HACD2: variants seen among roughly 807,000 people sequenced by gnomAD.
HACD2 encodes 3-hydroxyacyl-CoA dehydratase 2.
HACD2 carries 15 observed loss-of-function variants against 31.0 expected under a neutral mutation model. That is an observed-to-expected ratio of 0.48 (90% CI 0.32 to 0.75). HACD2 has a LOEUF of 0.75. Among genes scored for constraint, HACD2 ranks in the 30% least tolerant of loss-of-function variants. The probability of loss-of-function intolerance (pLI) is 0.03; values close to 1 mark genes in which losing one functional copy is unlikely to be tolerated. For synonymous variants in HACD2, 115 were observed against 122.2 expected, an observed-to-expected ratio of 0.94 and a Z score of 0.39; for missense variants, 283 against 313.0, an observed-to-expected ratio of 0.90 and a Z score of 0.72.
intron 3 of HACD2, among the ~76,000 whole-genome samples, chr3:123,561,201 C>T (rs1292602731): frequency 6.6e-6 from 1 of 152,140 alleles, no homozygotes; most frequent in East Asian, 1.9e-4. Flanking sequence ...GCTCTGCTTC[C>T]TACCTGGCAA....
At chr3:123,528,615 A>T in intron 3 of HACD2, 141 bp from the exon 4 acceptor site, 1 of 599,448 alleles carries the variant, frequency 1.7e-6, no homozygotes, top group Non-Finnish European at 3.0e-6. Flanking sequence ...TGTTACACAG[A>T]CTAAGTTTTC....
At chr3:123,553,784 T>C (rs943774764) in intron 3 of HACD2, among the ~76,000 whole-genome samples, 3 of 152,024 alleles carry the variant, frequency 2.0e-5, no homozygotes, top group Non-Finnish European at 4.4e-5. Flanking sequence ...CTATTGTTTT[T>C]CCCATGAGTA....
chr3:123,547,580 C>A (rs1037745857), intron 3 of HACD2, among the ~76,000 whole-genome samples: 3 of 152,114 alleles, frequency 2.0e-5, no homozygotes, highest in Non-Finnish European at 4.4e-5. Context: ...CAACAAGAAG[C>A]TAAGAGCCCT....
chr3:123,530,006 T>C (rs1027575596), intron 3 of HACD2, among the ~76,000 whole-genome samples: 4 of 152,180 alleles, frequency 2.6e-5, no homozygotes, highest in African/African-American at 9.7e-5. Flanking sequence ...GTTTAATATT[T>C]AGGAAAATGG....
chr3:123,523,346 G>C (rs1451349397), intron 4 of HACD2, among the ~76,000 whole-genome samples: 1 of 152,154 alleles, frequency 6.6e-6, no homozygotes, highest in African/African-American at 2.4e-5. Flanking sequence ...CTTTGTAAGG[G>C]TTTCAGAAGC....
chr3:123,499,756 T>C (rs1559896673), intron 6 of HACD2: 5 of 389,472 alleles, frequency 1.3e-5, no homozygotes, highest in African/African-American at 4.2e-5. Flanking sequence ...TCGTTGGTTA[T>C]AAGAAGATCT....
At position 123,567,784 on chromosome 3, in the gene HACD2, G is replaced by A. The variant is rs1439491467; in HGVS notation, c.274-4C>T. The stretch of plus-strand genomic sequence containing the variant: ...TACCTATAGCACAATGTAAAATCTA[G>A]AGGAAAAAAGGGGAAAAAAGAGGAG... On this transcript the variant is annotated splice_polypyrimidine_tract_variant and splice_region_variant and intron_variant, in intron 2 of 6. Transcript: ENST00000383657. 6.7e-7 allele frequency: 1 copy of A among 1,497,094 alleles called. No individual in the cohort carries two copies. Among genetic ancestry groups the A allele is most frequent in the East Asian group, 2.4e-5 (1 of 41,104 alleles). The allele number at this position is 1,497,094 out of a possible 1,614,324, so 92.7% of individuals were successfully genotyped here. A position where few individuals can be genotyped will look rare whatever the true frequency, so the allele number is the denominator to read the frequency against.
intron 1 of HACD2, among the ~76,000 whole-genome samples, chr3:123,584,199 C>G (rs994260440): frequency 1.3e-5 from 2 of 152,134 alleles, no homozygotes; most frequent in Admixed American, 6.5e-5. Flanking sequence ...ACTAAAAACC[C>G]GCCGGGATAA....
chr3:123,547,233 T>A (rs1471818), intron 3 of HACD2, among the ~76,000 whole-genome samples: 2 of 151,960 alleles, frequency 1.3e-5, no homozygotes, highest in Admixed American at 6.6e-5. Context: ...CCACACAGAT[T>A]ATTTTAAGGA....
At position 123,493,779 on chromosome 3, in the gene HACD2, C is replaced by G. The variant is rs1353896193; in HGVS notation, c.*1109G>C. 1 of 152,188 alleles carries G rather than the reference C, an allele frequency of 6.6e-6. No homozygotes were observed. Among genetic ancestry groups the G allele is most frequent in the African/African-American group, 2.4e-5 (1 of 41,432 alleles). 9.4% of individuals were successfully genotyped at this position (152,188 alleles called of 1,614,324 possible). ...CATGCGGAGATGACACTGCTTTTAG[C>G]TCATGACAGCCCAAGGGGAATGTTT... On this transcript the variant is annotated 3_prime_UTR_variant, in exon 7 of 7. Transcript: ENST00000383657.
chr3:123,584,843 G>GCTCCCCGC, intron 1 of HACD2, 30 bp downstream of exon 1: 1 of 1,459,954 alleles, frequency 6.8e-7, no homozygotes, highest in Non-Finnish European at 9.1e-7. Flanking sequence ...GGCCGCGCTG[G>GCTCCCCGC]CTCCCCGCCT....
chr3:123,576,014 T>G (rs2056904076), intron 2 of HACD2, among the ~76,000 whole-genome samples: 1 of 152,212 alleles, frequency 6.6e-6, no homozygotes, highest in Admixed American at 6.5e-5. Flanking sequence ...TTATACAACC[T>G]CATCAGGTTT....
chr3:123,497,757 C>T (rs2055851732), intron 6 of HACD2, among the ~76,000 whole-genome samples: 1 of 152,140 alleles, frequency 6.6e-6, no homozygotes, highest in South Asian at 2.1e-4. Context: ...CTGGCCAGGG[C>T]ACCCCAATAT....
chr3:123,543,878 T>C (rs1339584120), intron 3 of HACD2, among the ~76,000 whole-genome samples: 1 of 152,228 alleles, frequency 6.6e-6, no homozygotes, highest in Non-Finnish European at 1.5e-5. Flanking sequence ...ACAGTGACAT[T>C]TAAATGGAAA....
intron 3 of HACD2, among the ~76,000 whole-genome samples, chr3:123,547,776 A>AGT (rs1189244661): frequency 1.3e-5 from 2 of 152,170 alleles, no homozygotes; most frequent in Non-Finnish European, 2.9e-5. Flanking sequence ...TTCAAACGAC[A>AGT]ATAACGATAC....
chr3:123,496,569 A>C (rs1348734564), intron 6 of HACD2, among the ~76,000 whole-genome samples: 3 of 152,198 alleles, frequency 2.0e-5, no homozygotes, highest in Non-Finnish European at 1.5e-5. Flanking sequence ...GACGTCGTTC[A>C]CAGAAAAGAC....
chr3:123,537,673 T>C (rs534652576), intron 3 of HACD2, among the ~76,000 whole-genome samples: 1 of 152,296 alleles, frequency 6.6e-6, no homozygotes, highest in Admixed American at 6.5e-5. Flanking sequence ...AATGTCTTTT[T>C]CATGATAGTA....
chr3:123,495,192 A>C (rs568802659), intron 6 of HACD2, among the ~76,000 whole-genome samples: 1 of 152,314 alleles, frequency 6.6e-6, no homozygotes, highest in Admixed American at 6.5e-5. Context: ...GTGGAATACA[A>C]TGACAGACAC....
At chr3:123,569,900 A>G (rs989846800) in intron 2 of HACD2, among the ~76,000 whole-genome samples, 35 of 147,530 alleles carry the variant, frequency 2.4e-4, no homozygotes, top group African/African-American at 8.8e-4. Context: ...GAGGCAGGAG[A>G]ATCGCTTGAA....
Sources: gnomAD v4.1 joint callset for allele counts (sites outside exome capture counted in the v4.1 genomes callset) on GRCh38, gnomAD v4.1.1 for gene constraint, MANE v1.5 for transcripts, NCBI Gene and HGNC (gene_info 2026-07-23, HGNC 2026-07-21) for gene names.